Variants in ANKAR observed in about 807,000 individuals in gnomAD.
ANKAR encodes ankyrin and armadillo repeat containing, also known as ankyrin and armadillo repeat-containing protein.
In ANKAR, 136 loss-of-function variants were observed where a neutral mutation model predicts 146.2. The ratio of observed to expected loss-of-function variants is 0.93; its 90% CI spans 0.81 to 1.07. The LOEUF is 1.07. Ranked by LOEUF, ANKAR falls within the 50% of genes least tolerant of loss-of-function variation. The pLI is 0.00. For synonymous variants in ANKAR, 500 were observed against 575.8 expected, an observed-to-expected ratio of 0.87 and a Z score of 1.88; for missense variants, 1,567 against 1,679.9, an observed-to-expected ratio of 0.93 and a Z score of 1.18.
At chr2:189,753,990 G>C in intron 18 of ANKAR, 1 of 1,613,748 alleles carries the variant, frequency 6.2e-7, no homozygotes, top group Non-Finnish European at 8.5e-7. Context: ...CTTTTCACAA[G>C]ATGACATGCC....
At chr2:189,679,008 T>C (rs1326516183) in intron 2 of ANKAR, among the ~76,000 whole-genome samples, 1 of 152,242 alleles carries the variant, frequency 6.6e-6, no homozygotes, top group Non-Finnish European at 1.5e-5. Context: ...TGTAGATTGC[T>C]TTTGGCAGTA....
chr2:189,738,584 T>G lies in ANKAR; in HGVS notation c.3602T>G (p.Val1201Gly), dbSNP rs1374057000. ...AAFQIVVLAK[V>G]IRDMDHITLS... ...TTTCAGATTGTTGTACTGGCTAAAG[T>G]CATTAGAGATATGGACCATATTACT... The change falls in exon 19 of 23, where the codon GTC becomes GGC. Residue 1201 changes from valine to glycine, a missense_variant. Val to Gly is a moderately radical substitution (Grantham distance 109). Coordinates refer to ENST00000684021, the MANE Select transcript of ANKAR (RefSeq NM_001378068.1). 1 of 1,606,816 alleles carries G rather than the reference T, an allele frequency of 6.2e-7. No individual in the cohort carries two copies. Among genetic ancestry groups the G allele is most frequent in the Non-Finnish European group, 8.5e-7 (1 of 1,175,488 alleles).
chr2:189,750,646 C>T, downstream of ANKAR: 1 of 1,581,848 alleles, frequency 6.3e-7, no homozygotes, highest in Non-Finnish European at 8.6e-7. Context: ...ATGTCTACTC[C>T]AAGAGGACAT....
At chr2:189,737,263 A>G (rs897716211) in intron 17 of ANKAR, among the ~76,000 whole-genome samples, 5 of 152,092 alleles carry the variant, frequency 3.3e-5, no homozygotes, top group Non-Finnish European at 5.9e-5. Context: ...CCATACTTAT[A>G]TATCTCTGGC....
At chr2:189,736,437 C>T (rs1284082474) in intron 17 of ANKAR, among the ~76,000 whole-genome samples, 2 of 147,926 alleles carry the variant, frequency 1.4e-5, no homozygotes, top group African/African-American at 2.5e-5. Flanking sequence ...ATGAATGAGA[C>T]CTAGTTTCTC....
At chr2:189,684,310 T>A (rs2105766331) in intron 2 of ANKAR, among the ~76,000 whole-genome samples, 1 of 152,250 alleles carries the variant, frequency 6.6e-6, no homozygotes, top group East Asian at 1.9e-4. Context: ...TGCTACTCAT[T>A]TTTTGAGACT....
intron 9 of ANKAR, among the ~76,000 whole-genome samples, chr2:189,707,776 A>C (rs149880316): frequency 3.3e-5 from 5 of 152,286 alleles, no homozygotes; most frequent in Admixed American, 1.3e-4. Flanking sequence ...GAAGACAAGC[A>C]TTCAAGGGAA....
Position 189,733,113 on chromosome 2 carries a change from G to A in ANKAR, c.3307G>A (p.Val1103Met). The A allele has an allele frequency of 6.2e-7, 1 of 1,600,840 alleles. No individual in the cohort carries two copies. The highest frequency in any genetic ancestry group is 8.5e-7 in the Non-Finnish European group (1 of 1,176,034). The change falls in exon 17 of 23, where the codon GTG (valine) becomes ATG (methionine). Residue 1103 changes from valine (V) to methionine (M), a missense_variant. Coordinates refer to ENST00000684021, the MANE Select transcript of ANKAR (RefSeq NM_001378068.1). ...CTGAAAACCACATGTTTAGGTTGAA[G>A]TGGCATTTTCCTTGGCATGCATTGT... ...NHPSPNIKVE[V>M]AFSLACIVLG...
Position 189,755,122 on chromosome 2 carries a change from T to G in ANKAR, c.*585-5976T>G, listed in dbSNP as rs778229540. ...TGGTAGCACATCTATTGCTACTTAG[T>G]TGAAATGGACAACATAACAAAAAAG... On this transcript the variant is annotated intron_variant and NMD_transcript_variant, in intron 18 of 18. Coordinates refer to the ANKAR transcript ENST00000441800. 5 of 1,572,424 alleles carry G rather than the reference T, an allele frequency of 3.2e-6. No homozygotes were observed. In the African/African-American group the frequency reaches 5.5e-5, roughly 17 times the overall value.
rs777401631 is a variant in ANKAR at position 189,728,843 on chromosome 2, T to A, written c.3193+22T>A. 2.5e-6 allele frequency: 4 copies of A among 1,595,898 alleles called. No individual in the cohort carries two copies. The South Asian group carries it at 4.5e-5, about 18-fold the overall frequency. On this transcript the variant is annotated intron_variant, in intron 15 of 22. Coordinates refer to ENST00000684021, the MANE Select transcript of ANKAR (RefSeq NM_001378068.1). The stretch of plus-strand genomic sequence containing the variant: ...ATTGGTTTGTATACTTATTCTCAAT[T>A]TCTTAAATATCTGTAAGAACAAGAA...
At chr2:189,699,327 C>T (rs1216021964) in intron 7 of ANKAR, among the ~76,000 whole-genome samples, 1 of 152,198 alleles carries the variant, frequency 6.6e-6, no homozygotes, top group African/African-American at 2.4e-5. Context: ...GCCAGCTTAT[C>T]AGCTTCCTTC....
rs566800046 is a variant in ANKAR at position 189,743,944 on chromosome 2, C to T, written c.4010+470C>T. ...GTTACAGTGAAGTTTGCCAGGTATT[C>T]AGAGGATTTTGACTCAATGTTGTGG... is the stretch of plus-strand genomic sequence containing the variant. On this transcript the variant is annotated intron_variant, in intron 21 of 22. Transcript: ENST00000684021. Among the ~76,000 whole-genome samples the T allele has an allele frequency of 5.3e-4, 81 of 152,254 alleles. 1 individual carries two copies. The highest frequency in any genetic ancestry group is 5.2e-3 in the Admixed American group (80 of 15,284).
At position 189,706,384 on chromosome 2, in the gene ANKAR, T is replaced by TCAA. The variant is rs529179927; in HGVS notation, c.1911-526_1911-524dup. 5.0e-3 allele frequency among the ~76,000 whole-genome samples: 761 copies of TCAA among 151,204 alleles called. 4 individuals carry two copies. Among genetic ancestry groups the TCAA allele is most frequent in the Middle Eastern group, 0.014 (4 of 294 alleles). ...CTGGGTGACAGAGTGAGACTCCATC[T>TCAA]CAACAACAACAACAACAACAACAAC... On this transcript the variant is annotated intron_variant, in intron 8 of 22. Coordinates refer to ENST00000684021, the MANE Select transcript of ANKAR (RefSeq NM_001378068.1).
intron 6 of ANKAR, 97 bp from the exon 7 acceptor site, chr2:189,696,053 A>G: frequency 9.7e-7 from 1 of 1,032,492 alleles, no homozygotes; most frequent in Non-Finnish European, 1.4e-6. Flanking sequence ...TTTTAACAGC[A>G]TTCATGTGAT....
chr2:189,708,549 A>G (rs2039270903), intron 9 of ANKAR, among the ~76,000 whole-genome samples: 1 of 152,220 alleles, frequency 6.6e-6, no homozygotes, highest in South Asian at 2.1e-4. Context: ...ACACTCTATT[A>G]TAAAATGGGC....
chr2:189,729,441 A>G (rs1436902574), intron 15 of ANKAR, among the ~76,000 whole-genome samples: 2 of 152,192 alleles, frequency 1.3e-5, no homozygotes, highest in Non-Finnish European at 2.9e-5. Context: ...ATGAAGTATA[A>G]TAGGAATTGA....
At chr2:189,695,927 A>T (rs1244727862) in intron 6 of ANKAR, among the ~76,000 whole-genome samples, 2 of 146,674 alleles carry the variant, frequency 1.4e-5, no homozygotes, top group Admixed American at 6.6e-5. Context: ...AATTAATAAT[A>T]AAAAATTCCC....
chr2:189,679,892 G>T lies in ANKAR; in HGVS notation c.601+2801G>T, dbSNP rs1352087520. ...GGATTTTTGCATCCATGTTCATCATGGATATTGGTCTGTAGTTTTCTTTTT... is the reference window on the plus strand; with the variant it reads ...GGATTTTTGCATCCATGTTCATCATTGATATTGGTCTGTAGTTTTCTTTTT... On this transcript the variant is annotated intron_variant, in intron 2 of 22. Coordinates refer to ENST00000684021, the MANE Select transcript of ANKAR (RefSeq NM_001378068.1). Among the ~76,000 whole-genome samples, 3 of 152,106 alleles carry T rather than the reference G, an allele frequency of 2.0e-5. No individual in the cohort carries two copies. The East Asian group carries it at 5.8e-4, about 29-fold the overall frequency.
chr2:189,705,672 C>G (rs1477905600), intron 8 of ANKAR, among the ~76,000 whole-genome samples: 1 of 152,156 alleles, frequency 6.6e-6, no homozygotes, highest in Non-Finnish European at 1.5e-5. Flanking sequence ...GACTTCAGAT[C>G]AAAGCGGATG....
Sources: gnomAD v4.1 joint callset for allele counts (sites outside exome capture counted in the v4.1 genomes callset) on GRCh38, gnomAD v4.1.1 for gene constraint, MANE v1.5 for transcripts, NCBI Gene and HGNC (gene_info 2026-07-23, HGNC 2026-07-21) for gene names.